SPINK8: variants seen among roughly 807,000 people sequenced by gnomAD.
SPINK8 encodes serine peptidase inhibitor Kazal type 8 (putative), also known as serine protease inhibitor Kazal-type 8.
A neutral mutation model predicts 14.4 loss-of-function variants in SPINK8; 12 were observed. The observed-to-expected ratio is 0.83, with a 90% CI of 0.53 to 1.35. The LOEUF (loss-of-function observed/expected upper bound fraction) is 1.35, where lower values mean the gene tolerates loss of function less well. Among genes scored for constraint, SPINK8 ranks in the 40% most tolerant of loss-of-function variants. The pLI is 0.00. For missense variants in SPINK8, 103 were observed against 117.0 expected, an observed-to-expected ratio of 0.88 and a Z score of 0.55; for synonymous variants, 32 against 37.6, an observed-to-expected ratio of 0.85 and a Z score of 0.55.
chr3:48,318,239 C>T (rs904224397), intron 6 of SPINK8, among the ~76,000 whole-genome samples: 2 of 152,052 alleles, frequency 1.3e-5, no homozygotes, highest in African/African-American at 2.4e-5. Flanking sequence ...CTCCTGGGTT[C>T]GAGGGATTCT....
chr3:48,323,183 C>T (rs2036097062), intron 4 of SPINK8, among the ~76,000 whole-genome samples: 1 of 152,072 alleles, frequency 6.6e-6, no homozygotes, highest in South Asian at 2.1e-4. Flanking sequence ...TTCGCTCTGT[C>T]ACACAGGCTG....
intron 4 of SPINK8, among the ~76,000 whole-genome samples, chr3:48,324,904 C>A (rs2036119132): frequency 6.6e-6 from 1 of 152,102 alleles, no homozygotes; most frequent in Admixed American, 6.6e-5. Context: ...TGTCTCCAAC[C>A]ATTATTGTTG....
chr3:48,308,118 C>T (rs150273368), intron 7 of SPINK8, among the ~76,000 whole-genome samples: 3 of 151,656 alleles, frequency 2.0e-5, no homozygotes, highest in Non-Finnish European at 2.9e-5. Context: ...GGACTACAGG[C>T]GCCCGCCACC....
chr3:48,313,182 AT>A (rs1235649815), intron 6 of SPINK8, among the ~76,000 whole-genome samples: 2 of 152,204 alleles, frequency 1.3e-5, no homozygotes, highest in African/African-American at 4.8e-5. Flanking sequence ...AAAGGACATT[AT>A]CATGAAAGTA....
At chr3:48,328,845 T>C (rs1293929157) in intron 3 of SPINK8, among the ~76,000 whole-genome samples, 1 of 152,168 alleles carries the variant, frequency 6.6e-6, no homozygotes, top group Non-Finnish European at 1.5e-5. Flanking sequence ...CACCAAAACC[T>C]CACTCCTTTA....
chr3:48,333,050 G>A (rs1490160961), intron 1 of SPINK8, among the ~76,000 whole-genome samples: 1 of 151,966 alleles, frequency 6.6e-6, no homozygotes, highest in Non-Finnish European at 1.5e-5. Flanking sequence ...AAGGAGCCGG[G>A]GGAACGCCGG....
At chr3:48,332,799 T>C (rs2036283440) in intron 1 of SPINK8, among the ~76,000 whole-genome samples, 1 of 152,244 alleles carries the variant, frequency 6.6e-6, no homozygotes, top group South Asian at 2.1e-4. Context: ...AGGATTGTCC[T>C]AACCCTTGTA....
chr3:48,320,759 C>T (rs917695456), intron 5 of SPINK8, among the ~76,000 whole-genome samples: 6 of 152,046 alleles, frequency 3.9e-5, no homozygotes, highest in Admixed American at 6.6e-5. Flanking sequence ...ATTTGTGCCA[C>T]GACATCCTCA....
At chr3:48,307,101 G>T in intron 7 of SPINK8, 98 bp from the exon 8 acceptor site, 1 of 1,155,606 alleles carries the variant, frequency 8.7e-7, no homozygotes, top group Non-Finnish European at 1.3e-6. Flanking sequence ...CAGGGGAAAT[G>T]CTAAACAATT....
At chr3:48,309,872 TA>T in intron 7 of SPINK8, 31 bp downstream of exon 7, 1 of 1,448,708 alleles carries the variant, frequency 6.9e-7, no homozygotes, top group Non-Finnish European at 9.1e-7. Flanking sequence ...AGTTTACTTC[TA>T]AAAATAAAAA....
At chr3:48,317,110 G>A (rs2036003250) in intron 6 of SPINK8, among the ~76,000 whole-genome samples, 1 of 152,236 alleles carries the variant, frequency 6.6e-6, no homozygotes, top group African/African-American at 2.4e-5. Flanking sequence ...ATAAATCTGT[G>A]TGAATGGGTG....
At chr3:48,333,370 G>A (rs759108248) in intron 1 of SPINK8, among the ~76,000 whole-genome samples, 165 bp downstream of exon 1, 3 of 151,362 alleles carry the variant, frequency 2.0e-5, no homozygotes, top group African/African-American at 4.9e-5. Flanking sequence ...GGGCGTTTTT[G>A]CCTGGGAGGG....
At chr3:48,318,627 G>T (rs1458771819) in intron 6 of SPINK8, among the ~76,000 whole-genome samples, 2 of 152,204 alleles carry the variant, frequency 1.3e-5, no homozygotes, top group Admixed American at 6.5e-5. Flanking sequence ...TACAACTCTC[G>T]TATGGGTTCT....
intron 4 of SPINK8, among the ~76,000 whole-genome samples, chr3:48,325,829 C>T (rs1177437171): frequency 2.0e-5 from 3 of 151,912 alleles, no homozygotes; most frequent in Admixed American, 1.3e-4. Context: ...AACTCCCGAC[C>T]TCAGGTGATC....
intron 4 of SPINK8, among the ~76,000 whole-genome samples, chr3:48,324,739 G>A (rs2036117569): frequency 1.3e-5 from 2 of 152,158 alleles, no homozygotes; most frequent in African/African-American, 4.8e-5. Context: ...AACACTGCAT[G>A]TGCACCTGAG....
chr3:48,317,495 T>TA (rs201381833), intron 6 of SPINK8, among the ~76,000 whole-genome samples: 23 of 149,750 alleles, frequency 1.5e-4, no homozygotes, highest in East Asian at 5.9e-4. Context: ...TCTCAAAAAA[T>TA]AAAAAAAAAG....
chr3:48,326,805 G>T (rs944393924), intron 4 of SPINK8, among the ~76,000 whole-genome samples: 4 of 152,034 alleles, frequency 2.6e-5, no homozygotes, highest in African/African-American at 9.7e-5. Context: ...CAGCCACTTT[G>T]GGGGCTGAGG....
chr3:48,327,836 G>A (rs1045845494), intron 4 of SPINK8, among the ~76,000 whole-genome samples: 7 of 152,100 alleles, frequency 4.6e-5, no homozygotes, highest in Non-Finnish European at 8.8e-5. Flanking sequence ...TGCAGAAATC[G>A]AATAGAAAAA....
intron 7 of SPINK8, among the ~76,000 whole-genome samples, chr3:48,308,218 C>T (rs1355707364): frequency 1.3e-5 from 2 of 152,030 alleles, no homozygotes; most frequent in Non-Finnish European, 2.9e-5. Context: ...TTGTGATCCG[C>T]CTGCCTTGGC....
Sources: allele counts gnomAD v4.1 joint callset (sites outside exome capture counted in the v4.1 genomes callset), GRCh38; gene constraint gnomAD v4.1.1; transcripts MANE v1.5; gene names NCBI Gene and HGNC (gene_info 2026-07-23, HGNC 2026-07-21).